SASH1: variants seen among roughly 807,000 people sequenced by gnomAD.
SASH1 encodes the protein SAM and SH3 domain containing 1.
SASH1 carries 44 observed loss-of-function variants against 125.2 expected under a neutral mutation model. The observed-to-expected ratio is 0.35, with a 90% CI of 0.28 to 0.45. SASH1 has a LOEUF of 0.45. Ranked by LOEUF, SASH1 falls within the 20% of genes least tolerant of loss-of-function variation. The pLI, the probability that SASH1 is intolerant of heterozygous loss-of-function variation, is 1.00. For synonymous variants in SASH1, 639 were observed against 649.1 expected (o/e 0.98, Z 0.24); for missense variants, 1,426 against 1,614.5 (o/e 0.88, Z 2.00).
intron 7 of SASH1, among the ~76,000 whole-genome samples, chr6:148,484,665 G>C (rs1034858888): frequency 2.6e-5 from 4 of 151,612 alleles, no homozygotes; most frequent in African/African-American, 9.7e-5. Context: ...CAGTTGCCAG[G>C]TGCGGCGGCT....
At chr6:148,390,103 C>T (rs1783636200) in intron 1 of SASH1, 31 bp from the exon 2 acceptor site, 12 of 1,610,492 alleles carry the variant, frequency 7.5e-6, no homozygotes, top group Non-Finnish European at 1.0e-5. Flanking sequence ...GGTGGACTGA[C>T]CTGACCGCCT....
chr6:148,349,762 C>A (rs574030132), intron 1 of SASH1, among the ~76,000 whole-genome samples: 43 of 152,138 alleles, frequency 2.8e-4, no homozygotes, highest in African/African-American at 1.0e-3. Context: ...TGGTAACTTT[C>A]TTTTGATAAT....
chr6:148,412,746 C>G (rs1354049040), intron 2 of SASH1, among the ~76,000 whole-genome samples: 2 of 152,172 alleles, frequency 1.3e-5, no homozygotes, highest in African/African-American at 2.4e-5. Context: ...CACCCCCGAC[C>G]AGGCCCCACC....
At chr6:148,246,023 G>A in the SASH1 span, among the ~76,000 whole-genome samples, 34,459 of 151,680 alleles carry the variant, frequency 0.23, 4,163 homozygotes, top group East Asian at 0.41. Flanking sequence ...AAAGAATTAA[G>A]CTGGGAAACA....
the SASH1 span, among the ~76,000 whole-genome samples, chr6:148,223,986 C>T: frequency 1.8e-4 from 28 of 152,086 alleles, no homozygotes; most frequent in Non-Finnish European, 3.1e-4. Context: ...TTGTATATAA[C>T]AGAGAAAAAT....
intron 16 of SASH1, among the ~76,000 whole-genome samples, chr6:148,540,026 G>A (rs867508487): frequency 5.3e-5 from 8 of 152,118 alleles, no homozygotes; most frequent in Admixed American, 2.0e-4. Context: ...ACAGATCTCC[G>A]AAAAACATAT....
At chr6:148,258,132 T>A in the SASH1 span, among the ~76,000 whole-genome samples, 1 of 152,128 alleles carries the variant, frequency 6.6e-6, no homozygotes, top group Admixed American at 6.5e-5. Flanking sequence ...TTGCCCAAGC[T>A]GGCCTTGAAC....
At position 148,519,973 on chromosome 6, in the gene SASH1, G is replaced by C; in HGVS notation, c.1209+80G>C. On this transcript the variant is annotated intron_variant, in intron 10 of 19. Transcript: ENST00000367467. This position sits in a 1 kb window ranked among gnomAD's most constrained non-coding sequence, Gnocchi z 4.8. ...CTGGTGTCCCTGGAGGAGTTTCAGA[G>C]TGTCCGGAAGCAAATCCGCTTGAAG... 1 of 935,788 alleles carries C rather than the reference G, an allele frequency of 1.1e-6. No homozygotes were observed. The highest frequency in any genetic ancestry group is 1.6e-6 in the Non-Finnish European group (1 of 638,348). The allele number at this position is 935,788 out of a possible 1,614,324, so 58.0% of individuals were successfully genotyped here.
chr6:148,341,028 A>G (rs1781303828), upstream of SASH1, among the ~76,000 whole-genome samples: 1 of 152,120 alleles, frequency 6.6e-6, no homozygotes, highest in Non-Finnish European at 1.5e-5. Context: ...CCTGCTACTC[A>G]GGTGGTTGAG....
At chr6:148,335,809 G>A (rs1383963725) in intron 1 of SASH1, among the ~76,000 whole-genome samples, 1 of 152,042 alleles carries the variant, frequency 6.6e-6, no homozygotes, top group Non-Finnish European at 1.5e-5. Flanking sequence ...CCCCACCCGA[G>A]GTAAACTCCC....
rs765908389 is a variant in SASH1 at position 148,474,161 on chromosome 6, G to A, written c.566G>A (p.Arg189Gln). 8.1e-6 allele frequency: 13 copies of A among 1,611,762 alleles called. No individual in the cohort carries two copies. Among genetic ancestry groups the A allele is most frequent in the Non-Finnish European group, 1.1e-5 (13 of 1,179,088 alleles). ...GAAATAACGATGAGCGATGAGGAGCGGATTCAGCTAATGATGATGGTCAAA... is the reference window on the plus strand; with the variant it reads ...GAAATAACGATGAGCGATGAGGAGCAGATTCAGCTAATGATGATGGTCAAA... ...ASEITMSDEERIQLMMMVKEK... is the reference protein window; with the variant it reads ...ASEITMSDEEQIQLMMMVKEK... Residue 189 changes from arginine (R) to glutamine (Q), a missense_variant, in exon 7 of 20, where the codon CGG becomes CAG. Arg to Gln is a conservative substitution (Grantham distance 43). Transcript: ENST00000367467.
chr6:148,236,367 C>A, the SASH1 span, among the ~76,000 whole-genome samples: 1 of 152,110 alleles, frequency 6.6e-6, no homozygotes, highest in East Asian at 1.9e-4. Flanking sequence ...GCACCCACAT[C>A]ATGCCTGGCT....
rs1435384591 is a variant in SASH1, at chr6:148,343,036, T to C, written c.-32T>C. Reference sequence around the variant, plus strand: ...TGCGGGGCGAGGGCGCCGCGGGGACTGGGACGCACGGCCCGCGCGCGGGAC... The same window carrying C: ...TGCGGGGCGAGGGCGCCGCGGGGACCGGGACGCACGGCCCGCGCGCGGGAC... On this transcript the variant is annotated 5_prime_UTR_variant, in exon 1 of 20. Transcript: ENST00000367467. 29 of 1,219,580 alleles carry C rather than the reference T, an allele frequency of 2.4e-5. No homozygotes were observed. The Middle Eastern group carries it at 9.4e-4, about 39-fold the overall frequency. 75.5% of individuals were successfully genotyped at this position (1,219,580 alleles called of 1,614,324 possible).
chr6:148,293,156 T>C (rs1269517696), intron 1 of SASH1, among the ~76,000 whole-genome samples: 1 of 152,060 alleles, frequency 6.6e-6, no homozygotes, highest in Non-Finnish European at 1.5e-5. Context: ...CACCTGGATA[T>C]AGTGGCCACA....
At chr6:148,260,534 A>T in the SASH1 span, among the ~76,000 whole-genome samples, 1 of 151,450 alleles carries the variant, frequency 6.6e-6, no homozygotes, top group African/African-American at 2.4e-5. Flanking sequence ...TAAGCCCGGA[A>T]GTTTGAGACT....
chr6:148,368,863 A>T (rs550031853), intron 1 of SASH1, among the ~76,000 whole-genome samples: 31 of 152,008 alleles, frequency 2.0e-4, no homozygotes, highest in African/African-American at 7.5e-4. Context: ...AAATATCAGG[A>T]AGTCAATAGA....
At chr6:148,194,541 C>G in the SASH1 span, among the ~76,000 whole-genome samples, 2 of 152,214 alleles carry the variant, frequency 1.3e-5, no homozygotes, top group Non-Finnish European at 2.9e-5. Flanking sequence ...ATACTACCAT[C>G]TTTTATGACA....
intron 1 of SASH1, among the ~76,000 whole-genome samples, chr6:148,332,636 G>T (rs72563846): frequency 0.077 from 11,757 of 151,804 alleles, 704 homozygotes; most frequent in East Asian, 0.32. Flanking sequence ...CCAAATACCT[G>T]ATTTCTTCAT....
rs755780483 is a variant in SASH1 at position 148,544,377 on chromosome 6, G to A, written c.2907G>A (p.Gly969=). 1.9e-6 allele frequency: 3 copies of A among 1,614,142 alleles called. No individual in the cohort carries two copies. The East Asian group carries it at 6.7e-5, about 36-fold the overall frequency. ...GTHHPLGTKE[G]VDAEQRMQPK... ...ACCATCCCCTGGGCACCAAAGAAGG[G>A]GTAGATGCTGAGCAGAGAATGCAGC... is the stretch of plus-strand genomic sequence containing the variant. The change falls in exon 18 of 20, where the codon GGG becomes GGA. Residue 969 remains glycine, a synonymous_variant. Coordinates refer to ENST00000367467, the MANE Select transcript of SASH1 (RefSeq NM_015278.5). The surrounding 1 kb of genome is among the most constrained non-coding windows in gnomAD (Gnocchi z 6.4).
Sources: allele counts gnomAD v4.1 joint callset (sites outside exome capture counted in the v4.1 genomes callset), GRCh38; gene constraint gnomAD v4.1.1; non-coding constraint Gnocchi (gnomAD v3.1); transcripts MANE v1.5; gene names NCBI Gene and HGNC (gene_info 2026-07-23, HGNC 2026-07-21).